The following ZNF140 variants were observed in gnomAD, a reference collection of about 807,000 sequenced individuals.
The protein encoded by ZNF140 is zinc finger protein 140 (clone pHZ-39).
A neutral mutation model predicts 12.9 loss-of-function variants in ZNF140; 13 were observed. The observed-to-expected ratio is 1.01, with a 90% CI of 0.66 to 1.60. The LOEUF is 1.60. Ranked by LOEUF, ZNF140 falls within the 40% of genes most tolerant of loss-of-function variation. The pLI is 0.00. For synonymous variants in ZNF140, 214 were observed against 186.7 expected (o/e 1.15, Z -1.19); for missense variants, 531 against 548.8 (o/e 0.97, Z 0.32).
chr12:133,081,373 A>ATATATATATATATATATATATATTT (rs1481354616), intron 2 of ZNF140, 44 bp downstream of exon 2: 1 of 223,824 alleles, frequency 4.5e-6, no homozygotes. Flanking sequence ...ATATATATAA[A>ATATATATATATATATATATATATTT]TTTTTATTTT....
At position 133,092,672 on chromosome 12, in the gene ZNF140, G is replaced by T. The variant is rs899359948; in HGVS notation, c.232+9111G>T. 2.6e-3 allele frequency among the ~76,000 whole-genome samples: 397 copies of T among 151,280 alleles called. 23 individuals are homozygous for T. Among genetic ancestry groups the T allele is most frequent in the African/African-American group, 9.4e-3 (384 of 40,892 alleles). The stretch of plus-strand genomic sequence containing the variant: ...TTCACCCCATTTCCATGGATAGGGT[G>T]ATTCTAGCCTTCTGTAAACCTGGTC... On this transcript the variant is annotated intron_variant, in intron 4 of 4. Transcript: ENST00000355557.
At chr12:133,090,771 T>C (rs1309535589) in intron 4 of ZNF140, among the ~76,000 whole-genome samples, 1 of 144,142 alleles carries the variant, frequency 6.9e-6, no homozygotes, top group East Asian at 1.9e-4. Flanking sequence ...AGGGTGATAA[T>C]AAGGAGAAGG....
At chr12:133,092,307 C>T (rs604950) in intron 4 of ZNF140, among the ~76,000 whole-genome samples, 38,536 of 150,654 alleles carry the variant, frequency 0.26, 5,973 homozygotes, top group Non-Finnish European at 0.3. Context: ...CTCGCACCCT[C>T]TCTTGCCCTC....
intron 4 of ZNF140, among the ~76,000 whole-genome samples, chr12:133,097,516 A>G (rs1449850913): frequency 7.9e-5 from 12 of 151,556 alleles, no homozygotes; most frequent in Non-Finnish European, 1.3e-4. Flanking sequence ...GGTGGTGGGC[A>G]CCTATAGTCC....
At chr12:133,099,422 C>T (rs1011103799) in intron 4 of ZNF140, among the ~76,000 whole-genome samples, 25 of 152,290 alleles carry the variant, frequency 1.6e-4, no homozygotes, top group South Asian at 1.5e-3. Context: ...GGTGATCTGC[C>T]GGCCTTAGCC....
At chr12:133,095,673 A>G (rs1017953728) in intron 4 of ZNF140, among the ~76,000 whole-genome samples, 7 of 151,790 alleles carry the variant, frequency 4.6e-5, no homozygotes, top group Non-Finnish European at 8.8e-5. Flanking sequence ...TTATTTCAGC[A>G]AAAAGGAATG....
chr12:133,090,750 A>T (rs918572788), intron 4 of ZNF140, among the ~76,000 whole-genome samples: 2 of 147,146 alleles, frequency 1.4e-5, no homozygotes, highest in South Asian at 2.2e-4. Context: ...AAAGGAATGT[A>T]GTAGGAGAGC....
At chr12:133,088,877 A>G (rs1293823347) in intron 4 of ZNF140, among the ~76,000 whole-genome samples, 1 of 152,202 alleles carries the variant, frequency 6.6e-6, no homozygotes, top group Non-Finnish European at 1.5e-5. Flanking sequence ...TGATTTTCAA[A>G]TGTTGAACCA....
chr12:133,083,286 A>G (rs2137481119), intron 3 of ZNF140, 57 bp downstream of exon 3: 1 of 1,572,542 alleles, frequency 6.4e-7, no homozygotes, highest in Admixed American at 1.8e-5. Flanking sequence ...GGTGGCTGTT[A>G]TAATTATCTG....
chr12:133,097,311 G>T lies in ZNF140; in HGVS notation c.233-8199G>T, dbSNP rs910348844. On this transcript the variant is annotated intron_variant, in intron 4 of 4. Coordinates refer to ENST00000355557, the MANE Select transcript of ZNF140 (RefSeq NM_003440.4). The stretch of plus-strand genomic sequence containing the variant: ...GTGATGCACTCTGACAATGTCTTAA[G>T]TTAGTGTATTTAGACTGTTGACCTT... Among the ~76,000 whole-genome samples, 9 of 152,116 alleles carry T rather than the reference G, an allele frequency of 5.9e-5. No homozygotes were observed. In the South Asian group the frequency reaches 1.2e-3, roughly 21 times the overall value.
At position 133,105,854 on chromosome 12, in the gene ZNF140, G is replaced by C. The variant is rs956302607; in HGVS notation, c.577G>C (p.Glu193Gln). 1.9e-6 allele frequency: 3 copies of C among 1,614,074 alleles called. No homozygotes were observed. In the African/African-American group the frequency reaches 4.0e-5, roughly 22 times the overall value. The change falls in exon 5 of 5, where the codon GAA (glutamate) becomes CAA (glutamine). Residue 193 changes from glutamate to glutamine, a missense_variant. Transcript: ENST00000355557. ...HTGEKPYACK[E>Q]CGKTFSQISN... ...TGGAGAGAAACCATATGCATGTAAG[G>C]AATGTGGCAAAACCTTTAGCCAGAT...
chr12:133,091,362 T>G (rs1172128211), intron 4 of ZNF140, among the ~76,000 whole-genome samples: 1 of 151,286 alleles, frequency 6.6e-6, no homozygotes, highest in African/African-American at 2.5e-5. Context: ...AAACATTGAT[T>G]TTATACAACA....
intron 4 of ZNF140, among the ~76,000 whole-genome samples, chr12:133,101,858 T>G (rs1263728303): frequency 6.6e-6 from 1 of 152,222 alleles, no homozygotes. Flanking sequence ...CCAGTAAAAC[T>G]GTTAGCATAT....
At chr12:133,090,993 A>G (rs942449262) in intron 4 of ZNF140, among the ~76,000 whole-genome samples, 16 of 148,814 alleles carry the variant, frequency 1.1e-4, no homozygotes, top group Non-Finnish European at 1.2e-4. Flanking sequence ...ACAAATGTAC[A>G]ATCGGGTTTT....
At chr12:133,090,914 A>G (rs1954847451) in intron 4 of ZNF140, among the ~76,000 whole-genome samples, 2 of 143,498 alleles carry the variant, frequency 1.4e-5, no homozygotes, top group South Asian at 2.3e-4. Context: ...AAAGAATAAC[A>G]AGGCAGCATT....
At chr12:133,101,439 T>G (rs1486885250) in intron 4 of ZNF140, among the ~76,000 whole-genome samples, 1 of 151,896 alleles carries the variant, frequency 6.6e-6, no homozygotes, top group African/African-American at 2.4e-5. Context: ...AGGCATTCTT[T>G]ATTTTCATTA....
intron 4 of ZNF140, among the ~76,000 whole-genome samples, chr12:133,102,703 C>T (rs1394016432): frequency 8.4e-6 from 1 of 118,536 alleles, no homozygotes; most frequent in Non-Finnish European, 2.0e-5. Flanking sequence ...GAGCCAAGAT[C>T]GTGCCACTGG....
chr12:133,100,959 A>G (rs1955325732), intron 4 of ZNF140: 1 of 453,664 alleles, frequency 2.2e-6, no homozygotes, highest in South Asian at 1.6e-5. Flanking sequence ...GGAATTTTCT[A>G]TTTAATACTT....
chr12:133,104,563 G>A (rs1955505503), intron 4 of ZNF140, among the ~76,000 whole-genome samples: 1 of 152,044 alleles, frequency 6.6e-6, no homozygotes, highest in Non-Finnish European at 1.5e-5. Context: ...GTGTTAGCCA[G>A]GCTGGTCTCG....
Sources: allele counts gnomAD v4.1 joint callset (sites outside exome capture counted in the v4.1 genomes callset), GRCh38; gene constraint gnomAD v4.1.1; transcripts MANE v1.5; gene names NCBI Gene and HGNC (gene_info 2026-07-23, HGNC 2026-07-21).